ANKH: variants seen among roughly 807,000 people sequenced by gnomAD.
The protein encoded by ANKH is ANKH inorganic pyrophosphate transport regulator, also known as mineralization regulator ANKH.
ANKH carries 15 observed loss-of-function variants against 49.0 expected under a neutral mutation model. The observed-to-expected ratio is 0.31, with a 90% confidence interval of 0.20 to 0.47. ANKH has a LOEUF of 0.47. ANKH is among the 20% of genes least tolerant of loss of function. ANKH has a pLI of 1.00. For missense variants in ANKH, 429 were observed against 652.0 expected (o/e 0.66, Z 3.72); for synonymous variants, 273 against 260.0 (o/e 1.05, Z -0.48).
chr5:14,771,937 A>AAAAAAAAAAAAAAAAAAAAAAAC (rs1561048114), intron 1 of ANKH, among the ~76,000 whole-genome samples: 1 of 140,386 alleles, frequency 7.1e-6, no homozygotes, highest in Non-Finnish European at 1.5e-5. Context: ...AAAAAAAAAA[A>AAAAAAAAAAAAAAAAAAAAAAAC]AAAAAAAAAA....
chr5:14,849,604 T>C (rs1742069123), intron 1 of ANKH, among the ~76,000 whole-genome samples: 1 of 152,190 alleles, frequency 6.6e-6, no homozygotes, highest in Non-Finnish European at 1.5e-5. Flanking sequence ...GGTTTTGGGT[T>C]TGGCCACAGC....
intron 1 of ANKH, among the ~76,000 whole-genome samples, chr5:14,857,169 A>G (rs752595983): frequency 6.6e-6 from 1 of 152,000 alleles, no homozygotes; most frequent in Non-Finnish European, 1.5e-5. Flanking sequence ...GTACCTCCAA[A>G]CATCCTCCCA....
chr5:14,708,151 TG>T lies in ANKH; in HGVS notation c.*3045del, dbSNP rs1484842181. On this transcript the variant is annotated 3_prime_UTR_variant, in exon 12 of 12. Coordinates refer to ENST00000284268, the MANE Select transcript of ANKH (RefSeq NM_054027.6). ...TCCCTGTAAGTCACTACAGAACAAA[TG>T]GCAACTGCACATTTAGGATGACGTC... The T allele has an allele frequency of 3.9e-5, 6 of 152,212 alleles. No homozygotes were observed. The highest frequency in any genetic ancestry group is 1.4e-4 in the African/African-American group (6 of 41,460). The allele number at this position is 152,212 out of a possible 1,614,324, so 9.4% of individuals were successfully genotyped here.
intron 4 of ANKH, among the ~76,000 whole-genome samples, chr5:14,752,307 CAAA>C (rs1221279771): frequency 6.6e-6 from 1 of 151,120 alleles, no homozygotes; most frequent in Non-Finnish European, 1.5e-5. Flanking sequence ...GACCCTATCT[CAAA>C]AAAAAGTCAC....
At chr5:14,758,221 T>C (rs981404051) in intron 3 of ANKH, among the ~76,000 whole-genome samples, 1 of 152,170 alleles carries the variant, frequency 6.6e-6, no homozygotes, top group African/African-American at 2.4e-5. Context: ...TCTCAAGTAG[T>C]CCAATTTGTA....
intron 1 of ANKH, chr5:14,870,798 A>G (rs989618655): frequency 6.4e-6 from 1 of 156,064 alleles, no homozygotes; most frequent in Non-Finnish European, 1.4e-5. Context: ...AAAAAAAAAG[A>G]AAAGGAAAAG....
chr5:14,766,285 A>G (rs1739256930), intron 2 of ANKH, among the ~76,000 whole-genome samples: 1 of 152,130 alleles, frequency 6.6e-6, no homozygotes, highest in Non-Finnish European at 1.5e-5. Flanking sequence ...AGTCCCAGCT[A>G]CTCAAGAGGC....
intron 8 of ANKH, chr5:14,741,446 CT>C (rs1157605776): frequency 2.8e-5 from 7 of 249,590 alleles, no homozygotes; most frequent in Non-Finnish European, 4.7e-5. Context: ...GGAAATTTTA[CT>C]GGGGAACACT....
At position 14,871,616 on chromosome 5, in the gene ANKH, T is replaced by G; in HGVS notation, c.-169A>C. 5.7e-6 allele frequency: 1 copy of G among 174,474 alleles called. No homozygotes were observed. Among genetic ancestry groups the G allele is most frequent in the Non-Finnish European group, 1.1e-5 (1 of 87,246 alleles). The allele number at this position is 174,474 out of a possible 1,614,324, so 10.8% of individuals were successfully genotyped here. A position where few individuals can be genotyped will look rare whatever the true frequency, so the allele number is the denominator to read the frequency against. On this transcript the variant is annotated 5_prime_UTR_variant, in exon 1 of 12. Coordinates refer to ENST00000284268, the MANE Select transcript of ANKH (RefSeq NM_054027.6). Reference sequence around the variant, plus strand: ...GGCTCCTCCTCGCGGCTGCGGCGCCTTCTCCGAGCGCGGCTGCTCTAGCAG... The same window carrying G: ...GGCTCCTCCTCGCGGCTGCGGCGCCGTCTCCGAGCGCGGCTGCTCTAGCAG...
intron 6 of ANKH, among the ~76,000 whole-genome samples, chr5:14,747,167 T>C (rs537193322): frequency 2.0e-5 from 3 of 152,282 alleles, no homozygotes; most frequent in African/African-American, 7.2e-5. Flanking sequence ...CCCAACTCAC[T>C]CCCAGTCTGT....
intron 1 of ANKH, among the ~76,000 whole-genome samples, chr5:14,831,817 A>G (rs1658861976): frequency 6.6e-6 from 1 of 152,232 alleles, no homozygotes; most frequent in Admixed American, 6.5e-5. Context: ...CGTGCTAATT[A>G]AGGAAAAGCA....
chr5:14,816,661 G>A (rs1377264043), intron 1 of ANKH, among the ~76,000 whole-genome samples: 1 of 152,084 alleles, frequency 6.6e-6, no homozygotes, highest in Non-Finnish European at 1.5e-5. Context: ...GGTTTCAGTC[G>A]ACTTTCTTGG....
chr5:14,713,260 T>C lies in ANKH; in HGVS notation c.1265+284A>G, dbSNP rs532206914. ...GCGCAGGGACCATGTCCTTCTCTTC[T>C]GGTTTTCATGTCCAGCATACGTTCA... On this transcript the variant is annotated intron_variant, in intron 10 of 11. Coordinates refer to ENST00000284268, the MANE Select transcript of ANKH (RefSeq NM_054027.6). This position sits in a 1 kb window ranked among gnomAD's most constrained non-coding sequence, Gnocchi z 4.4. Among the ~76,000 whole-genome samples, 33 of 152,218 alleles carry C rather than the reference T, an allele frequency of 2.2e-4. No individual in the cohort carries two copies. Among genetic ancestry groups the C allele is most frequent in the African/African-American group, 7.5e-4 (31 of 41,542 alleles).
chr5:14,725,490 C>G lies in ANKH; in HGVS notation c.1012-8655G>C, dbSNP rs1433517376. Among the ~76,000 whole-genome samples the G allele has an allele frequency of 6.6e-6, 1 of 152,200 alleles. No homozygotes were observed. The highest frequency in any genetic ancestry group is 1.5e-5 in the Non-Finnish European group (1 of 68,038). ...AGCTTCTTATCCCATCACGGATGGC[C>G]AGACCTCTGGCACTCATCTGCAAAC... On this transcript the variant is annotated intron_variant, in intron 8 of 11. Coordinates refer to ENST00000284268, the MANE Select transcript of ANKH (RefSeq NM_054027.6). This position sits in a 1 kb window ranked among gnomAD's most constrained non-coding sequence, Gnocchi z 4.0.
At chr5:14,825,722 CA>C (rs1741319689) in intron 1 of ANKH, among the ~76,000 whole-genome samples, 1 of 152,140 alleles carries the variant, frequency 6.6e-6, no homozygotes, top group Non-Finnish European at 1.5e-5. Flanking sequence ...ATAAAGATGG[CA>C]ATGAGCTGAC....
intron 1 of ANKH, among the ~76,000 whole-genome samples, chr5:14,834,771 A>G (rs111437794): frequency 0.019 from 2,895 of 152,312 alleles, 69 homozygotes; most frequent in African/African-American, 0.053. Flanking sequence ...ACAGAATGAG[A>G]CTGTGTCTCA....
At chr5:14,798,461 G>A in intron 1 of ANKH, 1 of 1,353,286 alleles carries the variant, frequency 7.4e-7, no homozygotes, top group Non-Finnish European at 1.0e-6. Context: ...CAGGGAGGCT[G>A]CAGGCGTTCG....
intron 1 of ANKH, among the ~76,000 whole-genome samples, chr5:14,848,127 A>G (rs997462758): frequency 6.6e-6 from 1 of 152,172 alleles, no homozygotes; most frequent in African/African-American, 2.4e-5. Flanking sequence ...CGATGGACCG[A>G]GATTCTGTTG....
intron 5 of ANKH, among the ~76,000 whole-genome samples, chr5:14,750,509 G>T (rs1446864449): frequency 6.6e-6 from 1 of 152,128 alleles, no homozygotes; most frequent in African/African-American, 2.4e-5. Context: ...TTTAATTGTT[G>T]CTTCTGTATT....
Sources: allele counts gnomAD v4.1 joint callset (sites outside exome capture counted in the v4.1 genomes callset), GRCh38; gene constraint gnomAD v4.1.1; non-coding constraint Gnocchi (gnomAD v3.1); transcripts MANE v1.5; gene names NCBI Gene and HGNC (gene_info 2026-07-23, HGNC 2026-07-21).